RBFOX1: variants seen among roughly 807,000 people sequenced by gnomAD.
The protein encoded by RBFOX1 is RNA binding fox-1 homolog 1.
RBFOX1 carries 8 observed loss-of-function variants against 57.7 expected under a neutral mutation model. The ratio of observed to expected loss-of-function variants is 0.14; its 90% CI spans 0.08 to 0.25. RBFOX1 has a LOEUF of 0.25. RBFOX1 is among the 10% of genes least tolerant of loss of function. The probability of loss-of-function intolerance (pLI) is 1.00; values close to 1 mark genes in which losing one functional copy is unlikely to be tolerated. For missense variants in RBFOX1, 611 were observed against 548.5 expected, an observed-to-expected ratio of 1.11 and a Z score of -1.14; for synonymous variants, 326 against 222.4, an observed-to-expected ratio of 1.47 and a Z score of -4.15.
chr16:5,554,356 A>G (rs2045589036), intron 2 of RBFOX1, among the ~76,000 whole-genome samples: 1 of 152,168 alleles, frequency 6.6e-6, no homozygotes, highest in Non-Finnish European at 1.5e-5. Context: ...ACTGGTGTAT[A>G]TTTCTGTAAA....
chr16:6,104,362 C>G (rs2096352404), intron 1 of RBFOX1, among the ~76,000 whole-genome samples: 1 of 152,076 alleles, frequency 6.6e-6, no homozygotes, highest in Admixed American at 6.5e-5. Context: ...ATACCTTCTT[C>G]CAAGAGTCAA....
chr16:6,698,942 G>T (rs1182977899), intron 3 of RBFOX1, among the ~76,000 whole-genome samples: 1 of 152,110 alleles, frequency 6.6e-6, no homozygotes, highest in Non-Finnish European at 1.5e-5. Context: ...CATAGCGTAC[G>T]AAGACTCTAG....
At chr16:5,561,104 A>T (rs1057204053) in intron 2 of RBFOX1, among the ~76,000 whole-genome samples, 5 of 152,158 alleles carry the variant, frequency 3.3e-5, no homozygotes, top group Admixed American at 2.6e-4. Context: ...CTCCCAGTAC[A>T]ACACTGTGAC....
At chr16:6,036,419 T>C (rs1481381861) in intron 1 of RBFOX1, among the ~76,000 whole-genome samples, 1 of 152,170 alleles carries the variant, frequency 6.6e-6, no homozygotes, top group African/African-American at 2.4e-5. Context: ...CATTGCTTTT[T>C]TGGGGAGGGG....
chr16:5,916,799 C>T (rs889032754), intron 4 of RBFOX1, among the ~76,000 whole-genome samples: 1 of 152,122 alleles, frequency 6.6e-6, no homozygotes, highest in Admixed American at 6.5e-5. Context: ...AAGGCACAAC[C>T]CCTGGATTGA....
At chr16:5,993,340 CGTGT>C (rs58189800) in intron 4 of RBFOX1, among the ~76,000 whole-genome samples, 7,969 of 132,648 alleles carry the variant, frequency 0.06, 359 homozygotes, top group East Asian at 0.17. Context: ...TAATGCTGTA[CGTGT>C]GTGTGTGTGT....
intron 1 of RBFOX1, among the ~76,000 whole-genome samples, chr16:6,315,812 TGA>T (rs1206949957): frequency 3.3e-5 from 5 of 152,148 alleles, no homozygotes; most frequent in African/African-American, 1.2e-4. Context: ...TGAAGTCACT[TGA>T]TGTTTTTAGG....
intron 1 of RBFOX1, among the ~76,000 whole-genome samples, chr16:6,078,266 A>G (rs1053633751): frequency 1.3e-5 from 2 of 152,158 alleles, no homozygotes; most frequent in Non-Finnish European, 2.9e-5. Context: ...TTTCTAGTAT[A>G]TTATGTTGGT....
intron 1 of RBFOX1, among the ~76,000 whole-genome samples, chr16:5,345,689 C>T (rs187236895): frequency 5.2e-4 from 79 of 152,228 alleles, no homozygotes; most frequent in Middle Eastern, 3.4e-3. Flanking sequence ...CATCTCTTTC[C>T]GATGCATGGG....
At chr16:6,868,296 G>A (rs1350108748) in intron 3 of RBFOX1, among the ~76,000 whole-genome samples, 3 of 152,110 alleles carry the variant, frequency 2.0e-5, no homozygotes, top group Admixed American at 1.3e-4. Context: ...CACAGAAAGT[G>A]GTTTGCTGAA....
In RBFOX1 at chr16:7,409,555, G is replaced by T. The variant is rs184529303; in HGVS notation, c.28-108592G>T. 2.6e-3 allele frequency among the ~76,000 whole-genome samples: 395 copies of T among 152,320 alleles called. 2 individuals carry two copies. Among genetic ancestry groups the T allele is most frequent in the South Asian group, 7.9e-3 (38 of 4,828 alleles). On this transcript the variant is annotated intron_variant, in intron 4 of 15. Coordinates refer to ENST00000550418, the MANE Select transcript of RBFOX1 (RefSeq NM_018723.4). ...CGATTATTTTGCACTATCCTAAGCA[G>T]TGTATGTCTGTGCATTGAATATGTA...
At chr16:5,762,357 A>G (rs532391595) in intron 3 of RBFOX1, among the ~76,000 whole-genome samples, 1 of 156 alleles carries the variant, frequency 6.4e-3, no homozygotes, top group Non-Finnish European at 8.6e-3. Flanking sequence ...GAACAAAAAG[A>G]AAAAAAAAAA....
At chr16:5,912,651 A>G (rs1195993947) in intron 4 of RBFOX1, among the ~76,000 whole-genome samples, 2 of 152,118 alleles carry the variant, frequency 1.3e-5, no homozygotes, top group Non-Finnish European at 1.5e-5. Context: ...ATTATTTCCT[A>G]TTTGCTTGCT....
chr16:6,761,312 C>T (rs2076564618), intron 3 of RBFOX1, among the ~76,000 whole-genome samples: 1 of 151,970 alleles, frequency 6.6e-6, no homozygotes, highest in Non-Finnish European at 1.5e-5. Context: ...TGGTTGAAGC[C>T]TTTTGTCTGA....
At chr16:5,673,599 A>C (rs1357927712) in intron 3 of RBFOX1, among the ~76,000 whole-genome samples, 1 of 152,186 alleles carries the variant, frequency 6.6e-6, no homozygotes, top group Non-Finnish European at 1.5e-5. Flanking sequence ...ATGGAGGGCA[A>C]CTATCTCCAT....
intron 3 of RBFOX1, among the ~76,000 whole-genome samples, chr16:6,796,350 G>T (rs1440006056): frequency 6.6e-6 from 1 of 152,126 alleles, no homozygotes; most frequent in Non-Finnish European, 1.5e-5. Context: ...TGGGTACACA[G>T]CCAAACCATA....
chr16:6,813,182 A>G (rs1265515212), intron 3 of RBFOX1, among the ~76,000 whole-genome samples: 3 of 152,062 alleles, frequency 2.0e-5, no homozygotes, highest in African/African-American at 7.2e-5. Context: ...ACTTCCTATA[A>G]CAAAATTGTG....
chr16:5,887,796 T>A (rs2057937724), intron 4 of RBFOX1, among the ~76,000 whole-genome samples: 1 of 152,200 alleles, frequency 6.6e-6, no homozygotes, highest in Non-Finnish European at 1.5e-5. Flanking sequence ...CGAATGGTTG[T>A]GCCAGAATTC....
intron 1 of RBFOX1, among the ~76,000 whole-genome samples, chr16:6,034,150 C>CT (rs1043943579): frequency 1.3e-5 from 2 of 151,662 alleles, no homozygotes; most frequent in Non-Finnish European, 2.9e-5. Flanking sequence ...GCCTGGCCAA[C>CT]TTAGTGAAAC....
Sources: gnomAD v4.1 joint callset for allele counts (sites outside exome capture counted in the v4.1 genomes callset) on GRCh38, gnomAD v4.1.1 for gene constraint, MANE v1.5 for transcripts, NCBI Gene and HGNC (gene_info 2026-07-23, HGNC 2026-07-21) for gene names.